Variants in FAM13C observed in about 807,000 individuals in gnomAD.
FAM13C encodes the protein protein FAM13C.
Under a neutral mutation model 73.2 loss-of-function variants are expected in FAM13C, and 37 were observed. The ratio of observed to expected loss-of-function variants is 0.51; its 90% CI spans 0.39 to 0.67. The LOEUF is 0.67. FAM13C is among the 30% of genes least tolerant of loss of function. The pLI, the probability that FAM13C is intolerant of heterozygous loss-of-function variation, is 0.00. For missense variants in FAM13C, 589 were observed against 715.6 expected, an observed-to-expected ratio of 0.82 and a Z score of 2.02; for synonymous variants, 246 against 260.9, an observed-to-expected ratio of 0.94 and a Z score of 0.55.
chr10:59,326,042 A>AT lies in FAM13C; in HGVS notation c.325-1937dup, dbSNP rs770941947. The stretch of plus-strand genomic sequence containing the variant: ...TCCTTTTAGGAAAGAGTACTGTTTG[A>AT]TTTTTTTTTTGAAAATAGTATTTTA... On this transcript the variant is annotated intron_variant, in intron 3 of 13. Coordinates refer to ENST00000618804, the MANE Select transcript of FAM13C (RefSeq NM_198215.4). 3.4e-4 allele frequency among the ~76,000 whole-genome samples: 51 copies of AT among 150,056 alleles called. 1 individual carries two copies. Among genetic ancestry groups the AT allele is most frequent in the Admixed American group, 6.7e-4 (10 of 14,990 alleles).
At chr10:59,294,123 T>TA (rs553669189) in intron 5 of FAM13C, among the ~76,000 whole-genome samples, 8 of 152,276 alleles carry the variant, frequency 5.3e-5, no homozygotes, top group African/African-American at 1.7e-4. Flanking sequence ...ATGGACTTTA[T>TA]AAAAAAACTC....
intron 3 of FAM13C, among the ~76,000 whole-genome samples, chr10:59,331,950 G>C (rs1852051689): frequency 6.6e-6 from 1 of 152,104 alleles, no homozygotes; most frequent in Non-Finnish European, 1.5e-5. Context: ...GACCCATGCA[G>C]CATCTAAGTA....
intron 4 of FAM13C, among the ~76,000 whole-genome samples, chr10:59,303,111 G>A (rs1051262223): frequency 6.6e-6 from 1 of 152,070 alleles, no homozygotes; most frequent in African/African-American, 2.4e-5. Flanking sequence ...CAGCCACCCT[G>A]GCCTTCTCTC....
intron 5 of FAM13C, among the ~76,000 whole-genome samples, chr10:59,292,927 A>G (rs879804099): frequency 1.3e-5 from 2 of 152,120 alleles, no homozygotes; most frequent in Admixed American, 6.5e-5. Context: ...GCTGTAGAAT[A>G]CTAGAACTTA....
chr10:59,308,266 C>T lies in FAM13C; in HGVS notation c.444-5402G>A, dbSNP rs549824440. ...GCACTCCTCAGAGCCCAATTATGGC[C>T]CTCAGTAGTGATGAGCATGTGATAT... On this transcript the variant is annotated intron_variant, in intron 4 of 13. Coordinates refer to ENST00000618804, the MANE Select transcript of FAM13C (RefSeq NM_198215.4). Among the ~76,000 whole-genome samples, 4 of 152,180 alleles carry T rather than the reference C, an allele frequency of 2.6e-5. No individual in the cohort carries two copies. The South Asian group carries it at 6.2e-4, about 24-fold the overall frequency.
chr10:59,247,908 C>T (rs771086434), intron 13 of FAM13C, 171 bp from the exon 14 acceptor site: 11 of 603,018 alleles, frequency 1.8e-5, no homozygotes, highest in Non-Finnish European at 2.5e-5. Context: ...CCATGTGTTA[C>T]TAAGTTTCTA....
Position 59,262,659 on chromosome 10 carries a change from T to C in FAM13C, c.1025-14A>G, listed in dbSNP as rs765149770. 1 of 1,608,458 alleles carries C rather than the reference T, an allele frequency of 6.2e-7. No individual in the cohort carries two copies. The highest frequency in any genetic ancestry group is 1.7e-5 in the Admixed American group (1 of 59,688). The stretch of plus-strand genomic sequence containing the variant: ...TTAGCTTTAGTTCTAAGAGAAATGC[T>C]ATGAGTTATCATAAGCAAAGAGAAC... On this transcript the variant is annotated splice_polypyrimidine_tract_variant and intron_variant, in intron 9 of 13. Coordinates refer to ENST00000618804, the MANE Select transcript of FAM13C (RefSeq NM_198215.4).
intron 6 of FAM13C, 149 bp downstream of exon 6, chr10:59,283,214 A>T (rs888576932): frequency 2.7e-6 from 2 of 754,072 alleles, no homozygotes; most frequent in Non-Finnish European, 4.4e-6. Context: ...CCCCCTCAGC[A>T]ACTCCTGGGC....
intron 4 of FAM13C, among the ~76,000 whole-genome samples, chr10:59,314,191 T>C (rs936034856): frequency 4.6e-5 from 7 of 152,198 alleles, no homozygotes; most frequent in African/African-American, 9.6e-5. Context: ...AGCAGCAAGA[T>C]AGATGTATTG....
chr10:59,251,818 C>T (rs1841409253), intron 12 of FAM13C, 142 bp from the exon 13 acceptor site: 1 of 630,134 alleles, frequency 1.6e-6, no homozygotes, highest in Non-Finnish European at 2.7e-6. Context: ...GTAAATATGA[C>T]ACACATAGAG....
chr10:59,251,683 A>G lies in FAM13C; in HGVS notation c.1533-7T>C. The G allele has an allele frequency of 6.3e-7, 1 of 1,592,058 alleles. No homozygotes were observed. The highest frequency in any genetic ancestry group is 8.5e-7 in the Non-Finnish European group (1 of 1,170,526). ...ATGGTCAAGAAGTACAGGCCTATAT[A>G]AGGTAAAATACTTGTCATTACTGGG... On this transcript the variant is annotated splice_region_variant and splice_polypyrimidine_tract_variant and intron_variant, in intron 12 of 13. Coordinates refer to ENST00000618804, the MANE Select transcript of FAM13C (RefSeq NM_198215.4).
chr10:59,257,176 G>C (rs1008089820), intron 10 of FAM13C, among the ~76,000 whole-genome samples: 2 of 152,112 alleles, frequency 1.3e-5, no homozygotes, highest in African/African-American at 2.4e-5. Flanking sequence ...GAGCAAGAGA[G>C]GACCATATAT....
intron 5 of FAM13C, among the ~76,000 whole-genome samples, chr10:59,295,411 G>C (rs911381695): frequency 2.6e-5 from 4 of 152,140 alleles, no homozygotes; most frequent in African/African-American, 9.7e-5. Context: ...GGGTGAGGAG[G>C]GGGAGTGTGA....
intron 6 of FAM13C, among the ~76,000 whole-genome samples, chr10:59,270,988 T>C (rs1314116495): frequency 6.6e-6 from 1 of 152,102 alleles, no homozygotes; most frequent in African/African-American, 2.4e-5. Context: ...ACCCATCTGC[T>C]ATGGAAGTAA....
Position 59,246,802 on chromosome 10 carries a change from A to T in FAM13C, c.*812T>A, listed in dbSNP as rs567289825. The T allele has an allele frequency of 1.0e-5, 4 of 391,390 alleles. No homozygotes were observed. The highest frequency in any genetic ancestry group is 1.4e-5 in the Non-Finnish European group (3 of 221,498). 24.2% of individuals were successfully genotyped at this position (391,390 alleles called of 1,614,324 possible). On this transcript the variant is annotated 3_prime_UTR_variant, in exon 14 of 14. Coordinates refer to ENST00000618804, the MANE Select transcript of FAM13C (RefSeq NM_198215.4). ...TGAAAAAATAGTTATATCATCTTATAGTAAACCAAAAGATTAGCAATAATA... is the reference window on the plus strand; with the variant it reads ...TGAAAAAATAGTTATATCATCTTATTGTAAACCAAAAGATTAGCAATAATA...
At chr10:59,349,818 G>C (rs763668274) in intron 3 of FAM13C, among the ~76,000 whole-genome samples, 5 of 151,934 alleles carry the variant, frequency 3.3e-5, no homozygotes, top group African/African-American at 7.3e-5. Flanking sequence ...TTTTATGTTG[G>C]TTATTTATTT....
At chr10:59,299,806 C>T in intron 5 of FAM13C, among the ~76,000 whole-genome samples, 1 of 152,058 alleles carries the variant, frequency 6.6e-6, no homozygotes, top group Non-Finnish European at 1.5e-5. Flanking sequence ...AATCTGATGT[C>T]TTACCGAGAC....
intron 3 of FAM13C, among the ~76,000 whole-genome samples, chr10:59,348,168 A>C (rs1564620014): frequency 1.3e-5 from 2 of 152,206 alleles, no homozygotes; most frequent in African/African-American, 2.4e-5. Flanking sequence ...GTTGTCTTTA[A>C]ATTTATAAAG....
intron 6 of FAM13C, 36 bp downstream of exon 6, chr10:59,283,327 G>A (rs1374680193): frequency 7.5e-6 from 12 of 1,604,506 alleles, no homozygotes; most frequent in Non-Finnish European, 1.0e-5. Flanking sequence ...TACCTTGAGA[G>A]TACAATTTGG....
Sources: allele counts gnomAD v4.1 joint callset (sites outside exome capture counted in the v4.1 genomes callset), GRCh38; gene constraint gnomAD v4.1.1; transcripts MANE v1.5; gene names NCBI Gene and HGNC (gene_info 2026-07-23, HGNC 2026-07-21).